Variants in PADI2 observed in about 807,000 individuals in gnomAD.
PADI2 encodes the protein protein-arginine deiminase type-2.
Under a neutral mutation model 81.1 loss-of-function variants are expected in PADI2, and 70 were observed. That is an observed-to-expected ratio of 0.86 (90% CI 0.71 to 1.05). The LOEUF (loss-of-function observed/expected upper bound fraction) is 1.05. Among genes scored for constraint, PADI2 ranks in the 50% least tolerant of loss-of-function variants. The pLI is 0.00. For missense variants in PADI2, 853 were observed against 889.9 expected (o/e 0.96, Z 0.53); for synonymous variants, 338 against 358.0 (o/e 0.94, Z 0.63).
intron 4 of PADI2, among the ~76,000 whole-genome samples, chr1:17,094,150 C>A (rs1350703490): frequency 6.6e-6 from 1 of 152,206 alleles, no homozygotes; most frequent in Non-Finnish European, 1.5e-5. Context: ...ACTACTAGAA[C>A]AAACTCGGGC....
In PADI2 at chr1:17,115,544, C is replaced by T. The variant is rs1931726281; in HGVS notation, c.92+3736G>A. On this transcript the variant is annotated intron_variant, in intron 1 of 15. Coordinates refer to ENST00000375486, the MANE Select transcript of PADI2 (RefSeq NM_007365.3). The surrounding 1 kb of genome is among the most constrained non-coding windows in gnomAD (Gnocchi z 4.1). Reference sequence around the variant, plus strand: ...AGTGACCACCCTGCTACCTACTTTACTCCGAGGCTGCCCTGTCCCTAATAA... The same window carrying T: ...AGTGACCACCCTGCTACCTACTTTATTCCGAGGCTGCCCTGTCCCTAATAA... Among the ~76,000 whole-genome samples, 1 of 152,244 alleles carries T rather than the reference C, an allele frequency of 6.6e-6. No homozygotes were observed. Among genetic ancestry groups the T allele is most frequent in the Non-Finnish European group, 1.5e-5 (1 of 68,044 alleles).
At position 17,086,602 on chromosome 1, in the gene PADI2, G is replaced by A. The variant is rs556993386; in HGVS notation, c.753C>T (p.Phe251=). The change falls in exon 7 of 16, where the codon TTC becomes TTT. Residue 251 remains phenylalanine, a synonymous_variant. Coordinates refer to ENST00000375486, the MANE Select transcript of PADI2 (RefSeq NM_007365.3). ...YTGGSAELLF[F]VEGLCFPDEG... Reference sequence around the variant, plus strand: ...CGTCGGGGAAACAGAGGCCTTCCACGAAGAACAGCAGCTCCGCGGAGCCAC... The same window carrying A: ...CGTCGGGGAAACAGAGGCCTTCCACAAAGAACAGCAGCTCCGCGGAGCCAC... 1.7e-5 allele frequency: 27 copies of A among 1,614,134 alleles called. No individual in the cohort carries two copies. Among genetic ancestry groups the A allele is most frequent in the South Asian group, 7.7e-5 (7 of 91,090 alleles).
Position 17,083,767 on chromosome 1 carries a change from C to A in PADI2, c.1009G>T (p.Val337Phe). The change falls in exon 9 of 16, where the codon GTC becomes TTC. Residue 337 changes from valine (V) to phenylalanine (F), a missense_variant. Val to Phe is a conservative substitution (Grantham distance 50). Coordinates refer to ENST00000375486, the MANE Select transcript of PADI2 (RefSeq NM_007365.3). ...CCTCGGTTTAGGTACTGGAAGCAGA[C>A]CTTCAGCTCACAGTTGGTTTTCTCC... The part of the protein sequence containing the change: ...LVEKTNCELK[V>F]CFQYLNRGDR... The A allele has an allele frequency of 1.2e-6, 2 of 1,613,828 alleles. No homozygotes were observed. The highest frequency in any genetic ancestry group is 1.6e-4 in the Middle Eastern group (1 of 6,062).
rs1931869919 is a variant in PADI2, at chr1:17,119,421, C to T, written c.-50G>A. 7.1e-7 allele frequency: 1 copy of T among 1,401,720 alleles called. No homozygotes were observed. Among genetic ancestry groups the T allele is most frequent in the African/African-American group, 1.5e-5 (1 of 66,550 alleles). 86.8% of individuals were successfully genotyped at this position (1,401,720 alleles called of 1,614,324 possible). A position where few individuals can be genotyped will look rare whatever the true frequency, so the allele number is the denominator to read the frequency against. On this transcript the variant is annotated 5_prime_UTR_variant, in exon 1 of 16. It adds an upstream start codon to the 5' untranslated region. Transcript: ENST00000375486. This position sits in a 1 kb window ranked among gnomAD's most constrained non-coding sequence, Gnocchi z 4.8. Reference sequence around the variant, plus strand: ...CGCTGGTCCGGGGCGGCCGGGAGCACCTGCAGCAGGTGCGCCTTCTCCAGC... The same window carrying T: ...CGCTGGTCCGGGGCGGCCGGGAGCATCTGCAGCAGGTGCGCCTTCTCCAGC...
intron 1 of PADI2, among the ~76,000 whole-genome samples, chr1:17,107,226 G>A (rs1931412001): frequency 6.6e-6 from 1 of 152,200 alleles, no homozygotes; most frequent in Admixed American, 6.5e-5. Context: ...GTGCTCTTGG[G>A]TTCCAGGAGT....
intron 1 of PADI2, among the ~76,000 whole-genome samples, chr1:17,113,467 A>AGTCTC (rs1931655255): frequency 6.6e-6 from 1 of 152,146 alleles, no homozygotes; most frequent in Non-Finnish European, 1.5e-5. Flanking sequence ...ACCCGCTTCA[A>AGTCTC]ATCTCAGGGA....
chr1:17,080,028 T>G (rs2078332713), intron 10 of PADI2, among the ~76,000 whole-genome samples: 1 of 152,116 alleles, frequency 6.6e-6, no homozygotes, highest in African/African-American at 2.4e-5. Context: ...TGACCTCAAG[T>G]GATCCACCCA....
intron 11 of PADI2, among the ~76,000 whole-genome samples, chr1:17,078,393 G>A (rs1190392118): frequency 2.6e-5 from 4 of 151,520 alleles, no homozygotes; most frequent in African/African-American, 9.7e-5. Flanking sequence ...TTACAGGCGT[G>A]AGCCACCGCA....
intron 8 of PADI2, among the ~76,000 whole-genome samples, chr1:17,084,079 A>C (rs1316375501): frequency 4.6e-5 from 7 of 152,174 alleles, no homozygotes; most frequent in Admixed American, 4.6e-4. Context: ...TCTCACCCCC[A>C]CCTGTCCCAA....
intron 5 of PADI2, among the ~76,000 whole-genome samples, 198 bp downstream of exon 5, chr1:17,093,369 C>T (rs1030953496): frequency 6.6e-6 from 1 of 152,204 alleles, no homozygotes; most frequent in African/African-American, 2.4e-5. Flanking sequence ...GCTAGGATTA[C>T]AGGTGTGAGC....
chr1:17,102,033 G>T (rs1043318993), intron 3 of PADI2, among the ~76,000 whole-genome samples: 8 of 152,128 alleles, frequency 5.3e-5, no homozygotes, highest in Non-Finnish European at 1.2e-4. Flanking sequence ...AGTGCCCAGT[G>T]CAGCTCTAGA....
At chr1:17,116,173 G>A (rs973789576) in intron 1 of PADI2, among the ~76,000 whole-genome samples, 1 of 152,246 alleles carries the variant, frequency 6.6e-6, no homozygotes, top group African/African-American at 2.4e-5. Flanking sequence ...AGGTCACACA[G>A]CCCGTGGATG....
rs539135437 is a variant in PADI2, at chr1:17,086,712, GGACCAAC to G, written c.656-20_656-14del. The stretch of plus-strand genomic sequence containing the variant: ...CCGAAGAACGGGTCTGGAGGGAAAA[GGACCAAC>G]GTCAGACTCCCACCCGCATCAGAAA... On this transcript the variant is annotated splice_polypyrimidine_tract_variant and intron_variant, in intron 6 of 15. Coordinates refer to ENST00000375486, the MANE Select transcript of PADI2 (RefSeq NM_007365.3). 503 of 1,610,344 alleles carry G rather than the reference GGACCAAC, an allele frequency of 3.1e-4. No homozygotes were observed. Among genetic ancestry groups the G allele is most frequent in the Middle Eastern group, 1.8e-3 (11 of 6,044 alleles).
chr1:17,079,007 T>G (rs1412808217), intron 11 of PADI2: 2 of 269,832 alleles, frequency 7.4e-6, no homozygotes, highest in East Asian at 1.5e-4. Context: ...ACCAGCTGAT[T>G]TATAATCTCA....
intron 6 of PADI2, among the ~76,000 whole-genome samples, chr1:17,087,266 C>A (rs537335682): frequency 6.6e-6 from 1 of 152,254 alleles, no homozygotes; most frequent in African/African-American, 2.4e-5. Flanking sequence ...TGTGGCTGGG[C>A]GGAAAGATAG....
rs957952439 is a variant in PADI2, at chr1:17,074,968, A to G, written c.1456-19T>C. 7 of 1,570,932 alleles carry G rather than the reference A, an allele frequency of 4.5e-6. No individual in the cohort carries two copies. In the African/African-American group the frequency reaches 9.4e-5, roughly 21 times the overall value. On this transcript the variant is annotated intron_variant, in intron 12 of 15. Transcript: ENST00000375486. ...GGAATTTCTGCAAGAGACAGTCCAG[A>G]GGGACAGAGTCAGCAGTGGGAAGGC...
chr1:17,097,925 C>T (rs1361452976), intron 3 of PADI2, among the ~76,000 whole-genome samples: 1 of 152,140 alleles, frequency 6.6e-6, no homozygotes, highest in East Asian at 1.9e-4. Flanking sequence ...CTTTAGGGAG[C>T]CACTCTGTCC....
chr1:17,077,075 C>A (rs1411819042), intron 11 of PADI2, among the ~76,000 whole-genome samples: 1 of 152,110 alleles, frequency 6.6e-6, no homozygotes, highest in Admixed American at 6.6e-5. Flanking sequence ...GGGGCTTTTC[C>A]CTTTGCTGTT....
At chr1:17,070,996 G>A (rs1221283444) in intron 14 of PADI2, among the ~76,000 whole-genome samples, 2 of 152,098 alleles carry the variant, frequency 1.3e-5, no homozygotes, top group South Asian at 2.1e-4. Context: ...AGAGACAAGT[G>A]TCTCACTATG....
Sources: allele counts gnomAD v4.1 joint callset (sites outside exome capture counted in the v4.1 genomes callset), GRCh38; gene constraint gnomAD v4.1.1; non-coding constraint Gnocchi (gnomAD v3.1); transcripts MANE v1.5; gene names NCBI Gene and HGNC (gene_info 2026-07-23, HGNC 2026-07-21).